Variants in ICE1 observed in about 807,000 individuals in gnomAD.
ICE1 encodes the protein little elongation complex subunit 1.
A neutral mutation model predicts 192.7 loss-of-function variants in ICE1; 64 were observed. The ratio of observed to expected loss-of-function variants is 0.33; its 90% CI spans 0.27 to 0.41. ICE1 has a LOEUF of 0.41. Among genes scored for constraint, ICE1 ranks in the 10% least tolerant of loss-of-function variants. The pLI, the probability that ICE1 is intolerant of heterozygous loss-of-function variation, is 1.00. For synonymous variants in ICE1, 1,010 were observed against 984.5 expected, an observed-to-expected ratio of 1.03 and a Z score of -0.49; for missense variants, 2,708 against 2,696.0, an observed-to-expected ratio of 1.00 and a Z score of -0.10.
At chr5:5,475,608 G>A (rs900207081) in intron 16 of ICE1, among the ~76,000 whole-genome samples, 1 of 152,170 alleles carries the variant, frequency 6.6e-6, no homozygotes, top group Non-Finnish European at 1.5e-5. Context: ...GATCCTGCCG[G>A]ATAACTTGGC....
Position 5,478,278 on chromosome 5 carries a change from C to T in ICE1, c.6520+2199C>T, listed in dbSNP as rs535623205. Among the ~76,000 whole-genome samples, 6 of 152,312 alleles carry T rather than the reference C, an allele frequency of 3.9e-5. No homozygotes were observed. The South Asian group carries it at 1.2e-3, about 32-fold the overall frequency. On this transcript the variant is annotated intron_variant, in intron 17 of 18. Coordinates refer to ENST00000296564, the MANE Select transcript of ICE1 (RefSeq NM_015325.3). ...TCAGCAAAGTCTCAGGATACAAAAT[C>T]AATGTGCAAAAATCACAAGCATTCC...
intron 3 of ICE1, 47 bp from the exon 4 acceptor site, chr5:5,439,848 A>C (rs1046587731): frequency 1.7e-5 from 23 of 1,344,402 alleles, no homozygotes; most frequent in Non-Finnish European, 2.4e-5. Flanking sequence ...ATCTCCAGAG[A>C]AGTATCAGAA....
intron 12 of ICE1, among the ~76,000 whole-genome samples, chr5:5,459,534 C>G (rs2111374310): frequency 6.6e-6 from 1 of 152,084 alleles, no homozygotes; most frequent in East Asian, 1.9e-4. Flanking sequence ...AGATGGAGTC[C>G]CAGTCAGGAC....
intron 1 of ICE1, among the ~76,000 whole-genome samples, chr5:5,432,556 T>G (rs903655544): frequency 1.3e-5 from 2 of 152,200 alleles, no homozygotes; most frequent in African/African-American, 4.8e-5. Flanking sequence ...GTTGGATCGT[T>G]GGGTAACTAT....
rs70965943 is a variant in ICE1 at position 5,482,775 on chromosome 5, A to AACACACACAC, written c.6521-3919_6521-3910dup. 8.6e-3 allele frequency among the ~76,000 whole-genome samples: 1,165 copies of AACACACACAC among 136,064 alleles called. 32 individuals are homozygous for AACACACACAC. Among genetic ancestry groups the AACACACACAC allele is most frequent in the Admixed American group, 0.052 (702 of 13,396 alleles). 89.3% of individuals were successfully genotyped at this position (136,064 alleles called of 152,430 possible). Reference sequence around the variant, plus strand: ...GGTGACATTAACACCCCCACCCCCCAACACACACACACACACACACACACA... The same window carrying AACACACACAC: ...GGTGACATTAACACCCCCACCCCCCAACACACACACACACACACACACACACACACACACA... On this transcript the variant is annotated intron_variant, in intron 17 of 18. Coordinates refer to ENST00000296564, the MANE Select transcript of ICE1 (RefSeq NM_015325.3).
intron 1 of ICE1, among the ~76,000 whole-genome samples, chr5:5,429,740 C>T (rs1256632631): frequency 6.6e-6 from 1 of 152,166 alleles, no homozygotes; most frequent in Non-Finnish European, 1.5e-5. Context: ...TGCTCCTTGC[C>T]CTGTGTGCTC....
intron 6 of ICE1, among the ~76,000 whole-genome samples, chr5:5,443,767 A>C (rs1042820724): frequency 6.6e-6 from 1 of 152,212 alleles, no homozygotes; most frequent in African/African-American, 2.4e-5. Flanking sequence ...TTCACAACAA[A>C]TGTGAGCTAT....
chr5:5,473,196 T>A (rs1739214200), intron 15 of ICE1, among the ~76,000 whole-genome samples: 1 of 152,184 alleles, frequency 6.6e-6, no homozygotes, highest in South Asian at 2.1e-4. Context: ...GTCAGAAAAA[T>A]AATAGAATTT....
At chr5:5,452,193 G>A in intron 10 of ICE1, among the ~76,000 whole-genome samples, 1 of 142,408 alleles carries the variant, frequency 7.0e-6, no homozygotes. Context: ...TTGTACTGGA[G>A]GCCTGAACCA....
chr5:5,451,341 G>C (rs1738410202), intron 10 of ICE1, among the ~76,000 whole-genome samples: 1 of 152,118 alleles, frequency 6.6e-6, no homozygotes, highest in African/African-American at 2.4e-5. Flanking sequence ...TACGGAGAAT[G>C]AAGTGTTTAA....
rs1350082042 is a variant in ICE1 at position 5,434,957 on chromosome 5, T to TTA, written c.85-1457_85-1456dup. Among the ~76,000 whole-genome samples, 7 of 152,350 alleles carry TTA rather than the reference T, an allele frequency of 4.6e-5. No homozygotes were observed. In the East Asian group the frequency reaches 9.6e-4, roughly 21 times the overall value. On this transcript the variant is annotated intron_variant, in intron 1 of 18. Coordinates refer to ENST00000296564, the MANE Select transcript of ICE1 (RefSeq NM_015325.3). ...AATTCTTAATCTGTGAATTGACAGTTTATATCCTTTACCTTTTTCAGTGTA... is the reference window on the plus strand; with the variant it reads ...AATTCTTAATCTGTGAATTGACAGTTTATATATCCTTTACCTTTTTCAGTGTA...
intron 17 of ICE1, among the ~76,000 whole-genome samples, chr5:5,479,636 C>T (rs1056409609): frequency 5.3e-5 from 8 of 152,204 alleles, no homozygotes; most frequent in Non-Finnish European, 8.8e-5. Context: ...TATAAAGACT[C>T]ATGCACACAT....
In ICE1 at chr5:5,477,014, G is replaced by A. The variant is rs539583236; in HGVS notation, c.6520+935G>A. On this transcript the variant is annotated intron_variant, in intron 17 of 18. Coordinates refer to ENST00000296564, the MANE Select transcript of ICE1 (RefSeq NM_015325.3). ...TCTGCTTCCTTATTTGCTACAAATC[G>A]TTAGTTTTTATTTTTACTTATCTCC... Among the ~76,000 whole-genome samples, 9 of 151,974 alleles carry A rather than the reference G, an allele frequency of 5.9e-5. No individual in the cohort carries two copies. The South Asian group carries it at 1.7e-3, about 28-fold the overall frequency.
chr5:5,461,605 A>C lies in ICE1; in HGVS notation c.2271A>C (p.Pro757=). 9 of 1,613,356 alleles carry C rather than the reference A, an allele frequency of 5.6e-6. No homozygotes were observed. The highest frequency in any genetic ancestry group is 7.6e-6 in the Non-Finnish European group (9 of 1,179,612). The change falls in exon 13 of 19, where the codon CCA becomes CCC. Residue 757 remains proline, a synonymous_variant. Transcript: ENST00000296564. ...ATGGGCAATGTGAAAGTCAAGATCC[A>C]AGAATTGAGCTCACACTAAATAAGC... ...TKDGQCESQD[P]RIELTLNKPD...
At chr5:5,467,900 C>G in intron 14 of ICE1, among the ~76,000 whole-genome samples, 1 of 152,144 alleles carries the variant, frequency 6.6e-6, no homozygotes, top group East Asian at 1.9e-4. Context: ...CTCAGAAATT[C>G]CACTCAGGCA....
chr5:5,464,574 A>G lies in ICE1; in HGVS notation c.5240A>G (p.Asn1747Ser), dbSNP rs758843005. ...GHAAVGGPQE[N>S]SVKILDTMYP... The stretch of plus-strand genomic sequence containing the variant: ...GCTGCTGTGGGAGGGCCTCAGGAGA[A>G]TTCTGTGAAAATCCTTGACACCATG... Residue 1747 changes from asparagine (N) to serine (S), a missense_variant, in exon 13 of 19, where the codon AAT becomes AGT. By Grantham distance (46) the Asn-to-Ser change is conservative. Coordinates refer to ENST00000296564, the MANE Select transcript of ICE1 (RefSeq NM_015325.3). This position sits in a 1 kb window ranked among gnomAD's most constrained non-coding sequence, Gnocchi z 4.0. The G allele has an allele frequency of 1.2e-6, 2 of 1,612,564 alleles. No individual in the cohort carries two copies. Among genetic ancestry groups the G allele is most frequent in the Non-Finnish European group, 1.7e-6 (2 of 1,179,174 alleles).
intron 15 of ICE1, among the ~76,000 whole-genome samples, chr5:5,469,326 T>C (rs1328519688): frequency 1.3e-5 from 2 of 152,206 alleles, no homozygotes; most frequent in Non-Finnish European, 1.5e-5. Flanking sequence ...TAGGTAAAAA[T>C]ATATATATTT....
Position 5,436,481 on chromosome 5 carries a change from G to A in ICE1, c.143+5G>A. ...ACAAAAAATTATCAATACAGAGTAA[G>A]TATATTTGCATGTCGTTTGGCAGAA... is the stretch of plus-strand genomic sequence containing the variant. On this transcript the variant is annotated splice_donor_5th_base_variant and intron_variant, in intron 2 of 18. Coordinates refer to ENST00000296564, the MANE Select transcript of ICE1 (RefSeq NM_015325.3). 1.4e-6 allele frequency: 2 copies of A among 1,450,170 alleles called. No homozygotes were observed. The highest frequency in any genetic ancestry group is 1.8e-6 in the Non-Finnish European group (2 of 1,086,954). 89.8% of individuals were successfully genotyped at this position (1,450,170 alleles called of 1,614,324 possible). A position where few individuals can be genotyped will look rare whatever the true frequency, so the allele number is the denominator to read the frequency against.
rs550152079 is a variant in ICE1 at position 5,465,596 on chromosome 5, G to A, written c.5892+370G>A. ...TGAGTTTTTGTTACAAATCAAACAG[G>A]AGCAAATGCTTAGTGTCAAGAGAGG... On this transcript the variant is annotated intron_variant, in intron 13 of 18. Coordinates refer to ENST00000296564, the MANE Select transcript of ICE1 (RefSeq NM_015325.3). Among the ~76,000 whole-genome samples the A allele has an allele frequency of 3.9e-5, 6 of 152,184 alleles. No individual in the cohort carries two copies. In the South Asian group the frequency reaches 6.2e-4, roughly 16 times the overall value.
Sources: gnomAD v4.1 joint callset for allele counts (sites outside exome capture counted in the v4.1 genomes callset) on GRCh38, gnomAD v4.1.1 for gene constraint, Gnocchi (gnomAD v3.1) non-coding constraint, MANE v1.5 for transcripts, NCBI Gene and HGNC (gene_info 2026-07-23, HGNC 2026-07-21) for gene names.